BRIX1: variants seen among roughly 807,000 people sequenced by gnomAD.
The protein encoded by BRIX1 is biogenesis of ribosomes BRX1.
Under a neutral mutation model 44.0 loss-of-function variants are expected in BRIX1, and 15 were observed. That is an observed-to-expected ratio of 0.34 (90% CI 0.23 to 0.53). The LOEUF (loss-of-function observed/expected upper bound fraction) is 0.53. Among genes scored for constraint, BRIX1 ranks in the 20% least tolerant of loss-of-function variants. The pLI, the probability that BRIX1 is intolerant of heterozygous loss-of-function variation, is 0.95. For synonymous variants in BRIX1, 149 were observed against 135.4 expected, an observed-to-expected ratio of 1.10 and a Z score of -0.70; for missense variants, 420 against 432.8, an observed-to-expected ratio of 0.97 and a Z score of 0.26.
intron 1 of BRIX1, chr5:34,916,187 T>G (rs929173505): frequency 4.2e-5 from 11 of 260,646 alleles, no homozygotes; most frequent in South Asian, 1.1e-4. Context: ...GTTCAGTTGT[T>G]TTTTTTTTTT....
chr5:34,925,479 G>A lies in BRIX1; in HGVS notation c.1046G>A (p.Ser349Asn). Residue 349 changes from serine (S) to asparagine (N), a missense_variant, in exon 10 of 10, where the codon AGT becomes AAT. Coordinates refer to ENST00000336767, the MANE Select transcript of BRIX1 (RefSeq NM_018321.4). ...AGAAAAATGAAACAGAGGATGGACA[G>A]TGGGAAAACAAAATAAGTCAATGGA... is the stretch of plus-strand genomic sequence containing the variant. The part of the protein sequence containing the change: ...RQRKMKQRMD[S>N]GKTK 1 of 1,610,000 alleles carries A rather than the reference G, an allele frequency of 6.2e-7. No individual in the cohort carries two copies. The highest frequency in any genetic ancestry group is 8.5e-7 in the Non-Finnish European group (1 of 1,178,680).
intron 1 of BRIX1, 85 bp downstream of exon 1, chr5:34,915,982 T>G: frequency 1.2e-5 from 17 of 1,422,050 alleles, no homozygotes; most frequent in Non-Finnish European, 1.6e-5. Context: ...ACAGCCTTGC[T>G]TAATTTCAGA....
intron 8 of BRIX1, 90 bp downstream of exon 8, chr5:34,923,324 G>T: frequency 9.4e-7 from 1 of 1,069,498 alleles, no homozygotes. Context: ...TTGTTGCCCA[G>T]GCTGGACTGC....
chr5:34,922,861 C>T, intron 6 of BRIX1, 93 bp downstream of exon 6: 1 of 1,330,262 alleles, frequency 7.5e-7, no homozygotes, highest in East Asian at 2.3e-5. Flanking sequence ...TTAGTTTCAC[C>T]CCCACCTTGG....
chr5:34,922,771 A>G lies in BRIX1; in HGVS notation c.510+3A>G, dbSNP rs767078339. The G allele has an allele frequency of 6.2e-7, 1 of 1,613,176 alleles. No homozygotes were observed. Among genetic ancestry groups the G allele is most frequent in the Non-Finnish European group, 8.5e-7 (1 of 1,179,356 alleles). ...GGCCCCTTTTGTCTTTTGACCCTGT[A>G]AGTTTCTCATTCAGTGTATGAGGTC... is the stretch of plus-strand genomic sequence containing the variant. On this transcript the variant is annotated splice_donor_region_variant and intron_variant, in intron 6 of 9. Transcript: ENST00000336767.
At position 34,915,907 on chromosome 5, in the gene BRIX1, GA is replaced by G; in HGVS notation, c.159+11del. On this transcript the variant is annotated intron_variant, in intron 1 of 9. Coordinates refer to ENST00000336767, the MANE Select transcript of BRIX1 (RefSeq NM_018321.4). The stretch of plus-strand genomic sequence containing the variant: ...AGGCCCCGTTTGCAAGGTAGGAGGG[GA>G]TGTCCCCGGGCTACACCTGCGGCGG... The G allele has an allele frequency of 6.5e-7, 1 of 1,545,164 alleles. No individual in the cohort carries two copies. Among genetic ancestry groups the G allele is most frequent in the South Asian group, 1.2e-5 (1 of 83,290 alleles).
In BRIX1 at chr5:34,925,968, A is replaced by C. The variant is rs1764370728; in HGVS notation, c.*473A>C. 1 of 152,516 alleles carries C rather than the reference A, an allele frequency of 6.6e-6. No individual in the cohort carries two copies. Among genetic ancestry groups the C allele is most frequent in the Non-Finnish European group, 1.5e-5 (1 of 68,276 alleles). 9.4% of individuals were successfully genotyped at this position (152,516 alleles called of 1,614,324 possible). A position where few individuals can be genotyped will look rare whatever the true frequency, so the allele number is the denominator to read the frequency against. ...TGTCACTTCAAAAAAGAGTATATTA[A>C]AATGTTGAGGTTTTGAGAATCAAAT... is the stretch of plus-strand genomic sequence containing the variant. On this transcript the variant is annotated 3_prime_UTR_variant, in exon 10 of 10. Coordinates refer to ENST00000336767, the MANE Select transcript of BRIX1 (RefSeq NM_018321.4).
intron 3 of BRIX1, chr5:34,920,553 T>C (rs1764217161): frequency 6.6e-6 from 1 of 152,234 alleles, no homozygotes; most frequent in Admixed American, 6.5e-5. Flanking sequence ...CCTGTCATTA[T>C]GGAACTTACA....
chr5:34,925,644 CT>C lies in BRIX1; in HGVS notation c.*154del. 3.2e-6 allele frequency: 2 copies of C among 630,378 alleles called. No individual in the cohort carries two copies. 39.0% of individuals were successfully genotyped at this position (630,378 alleles called of 1,614,324 possible). A position where few individuals can be genotyped will look rare whatever the true frequency, so the allele number is the denominator to read the frequency against. ...TTAAGATCTTAAAATCAGTGATTAT[CT>C]TTTTCTAAATAAAATATCACCAGAA... On this transcript the variant is annotated 3_prime_UTR_variant, in exon 10 of 10. Coordinates refer to ENST00000336767, the MANE Select transcript of BRIX1 (RefSeq NM_018321.4).
intron 8 of BRIX1, 183 bp downstream of exon 8, chr5:34,923,417 A>C (rs950372039): frequency 1.7e-6 from 1 of 590,146 alleles, no homozygotes; most frequent in Non-Finnish European, 3.0e-6. Flanking sequence ...AGCTGGGATT[A>C]CAAGCACCCA....
At chr5:34,920,265 A>G (rs2111977893) in intron 3 of BRIX1, 2 of 153,670 alleles carry the variant, frequency 1.3e-5, no homozygotes, top group South Asian at 4.1e-4. Context: ...GTGTTTTGCC[A>G]GTATTAAAAG....
chr5:34,924,983 G>T lies in BRIX1; in HGVS notation c.792+8G>T. On this transcript the variant is annotated splice_region_variant and intron_variant, in intron 9 of 9. Coordinates refer to ENST00000336767, the MANE Select transcript of BRIX1 (RefSeq NM_018321.4). The stretch of plus-strand genomic sequence containing the variant: ...TACCAGTCACCAAACATGGTAAGCG[G>T]TTGTGTCATTCAGTAGTCTTCAATG... 6.2e-7 allele frequency: 1 copy of T among 1,612,042 alleles called. No homozygotes were observed. The highest frequency in any genetic ancestry group is 8.5e-7 in the Non-Finnish European group (1 of 1,179,442).
At chr5:34,923,885 A>G (rs2111986743) in intron 8 of BRIX1, among the ~76,000 whole-genome samples, 1 of 152,348 alleles carries the variant, frequency 6.6e-6, no homozygotes, top group South Asian at 2.1e-4. Flanking sequence ...TAGTTGATAC[A>G]GAGTATGGAT....
At chr5:34,922,045 C>A in intron 3 of BRIX1, 172 bp from the exon 4 acceptor site, 1 of 394,264 alleles carries the variant, frequency 2.5e-6, no homozygotes, top group Non-Finnish European at 4.5e-6. Flanking sequence ...GGTAGAATAC[C>A]TAAGAGGAAC....
intron 5 of BRIX1, 43 bp downstream of exon 5, chr5:34,922,631 G>C (rs910439117): frequency 6.3e-6 from 10 of 1,592,012 alleles, no homozygotes; most frequent in African/African-American, 1.3e-5. Context: ...GAAATTAAAA[G>C]TAATCTTTTG....
At chr5:34,923,708 AT>A (rs1239745676) in intron 8 of BRIX1, among the ~76,000 whole-genome samples, 3 of 152,280 alleles carry the variant, frequency 2.0e-5, no homozygotes, top group Admixed American at 6.5e-5. Context: ...TGCCTGGTCA[AT>A]TTTTAGTTAA....
rs768353434 is a variant in BRIX1 at position 34,915,783 on chromosome 5, G to A, written c.45G>A (p.Gln15=). ...KRKRRGGFAV[Q]AKKPKRNEID... The stretch of plus-strand genomic sequence containing the variant: ...AACGGCGTGGAGGCTTTGCAGTTCA[G>A]GCGAAGAAGCCAAAAAGAAACGAAA... The change falls in exon 1 of 10, where the codon CAG becomes CAA. Residue 15 remains glutamine (Q), a synonymous_variant. Coordinates refer to ENST00000336767, the MANE Select transcript of BRIX1 (RefSeq NM_018321.4). 1.8e-5 allele frequency: 28 copies of A among 1,598,090 alleles called. No individual in the cohort carries two copies. Among genetic ancestry groups the A allele is most frequent in the African/African-American group, 6.7e-5 (5 of 74,590 alleles).
chr5:34,925,109 TC>T (rs1307921590), intron 9 of BRIX1, 116 bp from the exon 10 acceptor site: 6 of 1,440,808 alleles, frequency 4.2e-6, no homozygotes, highest in African/African-American at 1.4e-5. Flanking sequence ...TGGAAATTAC[TC>T]CCTTTTTTCA....
intron 4 of BRIX1, 110 bp downstream of exon 4, chr5:34,922,397 A>G (rs938416496): frequency 2.2e-6 from 2 of 914,066 alleles, no homozygotes; most frequent in African/African-American, 1.7e-5. Context: ...AGAATGAAGC[A>G]AACTTTTGAT....
Sources: gnomAD v4.1 joint callset for allele counts (sites outside exome capture counted in the v4.1 genomes callset) on GRCh38, gnomAD v4.1.1 for gene constraint, MANE v1.5 for transcripts, NCBI Gene and HGNC (gene_info 2026-07-23, HGNC 2026-07-21) for gene names.